Variants in CHAF1A observed in about 807,000 individuals in gnomAD.
CHAF1A encodes the protein chromatin assembly factor 1 subunit A, also known as CAF-1 subunit A.
In CHAF1A, 5 loss-of-function variants were observed where a neutral mutation model predicts 93.2. The observed-to-expected ratio is 0.05, with a 90% CI of 0.03 to 0.11. The LOEUF (loss-of-function observed/expected upper bound fraction) is 0.11. Among genes scored for constraint, CHAF1A ranks in the 10% least tolerant of loss-of-function variants. CHAF1A has a pLI of 1.00. For synonymous variants in CHAF1A, 504 were observed against 510.3 expected (o/e 0.99, Z 0.17); for missense variants, 1,102 against 1,259.9 (o/e 0.87, Z 1.90).
In CHAF1A at chr19:4,417,987, C is replaced by A. The variant is rs766033579; in HGVS notation, c.961-33C>A. Reference sequence around the variant, plus strand: ...TTTTTCTCGAAGCAATTGAAATAACCCGTGTTTAAAGATAAACGTCTTCTG... The same window carrying A: ...TTTTTCTCGAAGCAATTGAAATAACACGTGTTTAAAGATAAACGTCTTCTG... On this transcript the variant is annotated intron_variant, in intron 3 of 14. Transcript: ENST00000301280. 8.7e-6 allele frequency: 13 copies of A among 1,489,022 alleles called. No individual in the cohort carries two copies. The South Asian group carries it at 1.2e-4, about 14-fold the overall frequency. The allele number at this position is 1,489,022 out of a possible 1,614,324, so 92.2% of individuals were successfully genotyped here.
At chr19:4,410,131 C>A (rs899633580) in intron 3 of CHAF1A, among the ~76,000 whole-genome samples, 3 of 152,148 alleles carry the variant, frequency 2.0e-5, no homozygotes, top group African/African-American at 7.2e-5. Context: ...CCCTTCCTGT[C>A]TAAGCATAGA....
chr19:4,414,379 C>G lies in CHAF1A; in HGVS notation c.961-3641C>G, dbSNP rs1973861148. On this transcript the variant is annotated intron_variant, in intron 3 of 14. Transcript: ENST00000301280. Reference sequence around the variant, plus strand: ...TTGCACCACTGTGCTCCAGCCTGGGCAACAGCCAGACCGTCTCAAAAAAAA... The same window carrying G: ...TTGCACCACTGTGCTCCAGCCTGGGGAACAGCCAGACCGTCTCAAAAAAAA... 2.2e-5 allele frequency among the ~76,000 whole-genome samples: 3 copies of G among 134,150 alleles called. No homozygotes were observed. In the South Asian group the frequency reaches 7.1e-4, roughly 32 times the overall value. The allele number at this position is 134,150 out of a possible 152,430, so 88.0% of individuals were successfully genotyped here. A position where few individuals can be genotyped will look rare whatever the true frequency, so the allele number is the denominator to read the frequency against.
chr19:4,422,716 C>A lies in CHAF1A; in HGVS notation c.1168C>A (p.Arg390=). ...TAAGGAAAAGGAGAGGCGGGAGAAG[C>A]GGGAGAAGGATGAGAAGGAGAAGGC... ...ELKEKERREK[R]EKDEKEKAEK... The change falls in exon 5 of 15, where the codon CGG becomes AGG. Residue 390 remains arginine, a synonymous_variant. Coordinates refer to ENST00000301280, the MANE Select transcript of CHAF1A (RefSeq NM_005483.3). This position sits in a 1 kb window ranked among gnomAD's most constrained non-coding sequence, Gnocchi z 4.6. 1.2e-6 allele frequency: 2 copies of A among 1,608,930 alleles called. No homozygotes were observed. The highest frequency in any genetic ancestry group is 1.7e-6 in the Non-Finnish European group (2 of 1,177,598).
downstream of CHAF1A, chr19:4,445,702 C>T (rs374388919): frequency 1.2e-5 from 19 of 1,561,132 alleles, no homozygotes; most frequent in East Asian, 2.3e-5. Flanking sequence ...GCAACCTGGG[C>T]GCGGGGATGC....
At chr19:4,415,004 AG>A (rs1409683475) in intron 3 of CHAF1A, among the ~76,000 whole-genome samples, 1 of 152,160 alleles carries the variant, frequency 6.6e-6, no homozygotes, top group African/African-American at 2.4e-5. Context: ...TATCTGAGAA[AG>A]GGTGCAGGAA....
At chr19:4,414,572 T>C (rs1973864924) in intron 3 of CHAF1A, among the ~76,000 whole-genome samples, 1 of 152,206 alleles carries the variant, frequency 6.6e-6, no homozygotes, top group Middle Eastern at 3.2e-3. Context: ...TGACATATAC[T>C]GTAAATATCT....
chr19:4,420,693 C>T (rs926649635), intron 4 of CHAF1A, among the ~76,000 whole-genome samples: 1 of 152,170 alleles, frequency 6.6e-6, no homozygotes, highest in Non-Finnish European at 1.5e-5. Context: ...CATAATCCCA[C>T]ACTTTGGGAG....
At chr19:4,446,133 G>A (rs938936775), downstream of CHAF1A, 7 of 1,612,030 alleles carry the variant, frequency 4.3e-6, no homozygotes, top group African/African-American at 4.0e-5. Context: ...GCAGCCAGTC[G>A]CTCTGCAGGG....
intron 3 of CHAF1A, among the ~76,000 whole-genome samples, chr19:4,412,547 G>GAA (rs959032977): frequency 2.1e-5 from 3 of 143,904 alleles, no homozygotes; most frequent in African/African-American, 5.1e-5. Flanking sequence ...TCCGTCTCAA[G>GAA]AAAAAAAAAA....
rs372948045 is a variant in CHAF1A, at chr19:4,429,826, C to T, written c.1854+38C>T. The T allele has an allele frequency of 2.8e-5, 43 of 1,555,478 alleles. No individual in the cohort carries two copies. In the African/African-American group the frequency reaches 4.9e-4, roughly 18 times the overall value. The stretch of plus-strand genomic sequence containing the variant: ...CCCAGCTGTCTTCACTCACAGACGG[C>T]TTGTGTTTGAGTCTCTGTCCCACAG... On this transcript the variant is annotated intron_variant, in intron 10 of 14. Transcript: ENST00000301280.
At chr19:4,438,133 T>C (rs1161147128) in intron 13 of CHAF1A, among the ~76,000 whole-genome samples, 9 of 152,154 alleles carry the variant, frequency 5.9e-5, no homozygotes, top group African/African-American at 2.2e-4. Context: ...GGCAAACTCA[T>C]GTCACGGGGG....
chr19:4,418,819 G>A (rs1973940867), intron 4 of CHAF1A, among the ~76,000 whole-genome samples: 1 of 152,042 alleles, frequency 6.6e-6, no homozygotes. Context: ...CTCCTATTCT[G>A]TGGGGGGCAT....
rs932212319 is a variant in CHAF1A, at chr19:4,430,747, C to T, written c.1947+106C>T. The T allele has an allele frequency of 1.1e-5, 13 of 1,204,292 alleles. No individual in the cohort carries two copies. The African/African-American group carries it at 1.2e-4, about 11-fold the overall frequency. 74.6% of individuals were successfully genotyped at this position (1,204,292 alleles called of 1,614,324 possible). A position where few individuals can be genotyped will look rare whatever the true frequency, so the allele number is the denominator to read the frequency against. On this transcript the variant is annotated intron_variant, in intron 11 of 14. Transcript: ENST00000301280. ...TGACGGGGGTCCCAGCCCAACCATACGAGATTTGGACTGCATTCCAAGCAC... is the reference window on the plus strand; with the variant it reads ...TGACGGGGGTCCCAGCCCAACCATATGAGATTTGGACTGCATTCCAAGCAC...
chr19:4,418,554 T>C, intron 4 of CHAF1A, among the ~76,000 whole-genome samples: 1 of 151,852 alleles, frequency 6.6e-6, no homozygotes, highest in African/African-American at 2.4e-5. Context: ...TAGTTGGGAC[T>C]ACAGGCATCC....
chr19:4,448,242 G>T (rs945913861), downstream of CHAF1A: 3 of 1,337,148 alleles, frequency 2.2e-6, no homozygotes, highest in Middle Eastern at 1.8e-4. Flanking sequence ...GGGGCCAGAG[G>T]GGGTGACAGC....
chr19:4,411,644 C>CTTTTTTTTTTTTTTTTGTTT (rs1973802869), intron 3 of CHAF1A, among the ~76,000 whole-genome samples: 2 of 48,204 alleles, frequency 4.1e-5, no homozygotes, highest in Non-Finnish European at 8.1e-5. Flanking sequence ...TGGTGCAAAT[C>CTTTTTTTTTTTTTTTTGTTT]TTTTTTTTTT....
intron 13 of CHAF1A, among the ~76,000 whole-genome samples, chr19:4,438,773 G>A (rs1371951682): frequency 6.6e-6 from 1 of 152,068 alleles, no homozygotes; most frequent in Non-Finnish European, 1.5e-5. Flanking sequence ...CACAAGGTCA[G>A]GAGATTGAGA....
At chr19:4,405,802 G>T in intron 1 of CHAF1A, 110 bp from the exon 2 acceptor site, 2 of 900,496 alleles carry the variant, frequency 2.2e-6, no homozygotes, top group South Asian at 2.8e-5. Flanking sequence ...CCCGAGGACA[G>T]AGGGGTCAGA....
intron 4 of CHAF1A, 78 bp downstream of exon 4, chr19:4,418,154 TC>T (rs1357078742): frequency 1.0e-6 from 1 of 956,964 alleles, no homozygotes; most frequent in Non-Finnish European, 1.6e-6. Context: ...CCTTTGAAGT[TC>T]CTTTGGTCTA....
Sources: allele counts gnomAD v4.1 joint callset (sites outside exome capture counted in the v4.1 genomes callset), GRCh38; gene constraint gnomAD v4.1.1; non-coding constraint Gnocchi (gnomAD v3.1); transcripts MANE v1.5; gene names NCBI Gene and HGNC (gene_info 2026-07-23, HGNC 2026-07-21).